P2RY8: variants seen among roughly 807,000 people sequenced by gnomAD.
The protein encoded by P2RY8 is S-geranylgeranyl-glutathione receptor P2RY8.
P2RY8 carries 6 observed loss-of-function variants against 10.0 expected under a neutral mutation model. The observed-to-expected ratio is 0.60, with a 90% CI of 0.33 to 1.19. The LOEUF is 1.19. P2RY8 is among the 50% of genes most tolerant of loss of function. The pLI is 0.04. For synonymous variants in P2RY8, 276 were observed against 252.5 expected (o/e 1.09, Z -0.88); for missense variants, 456 against 542.0 (o/e 0.84, Z 1.58).
chrX:1,521,029 C>CTTTTTTTTTTTTTTTTT lies in P2RY8; in HGVS notation c.-25+15891_-25+15892insAAAAAAAAAAAAAAAAA, dbSNP rs754661094. ...CTCCCCAATATCCTCTCTGATTTTTCTTTTCTTTTTTTTTTTTTTTTTTTG... is the reference window on the plus strand; with the variant it reads ...CTCCCCAATATCCTCTCTGATTTTTCTTTTTTTTTTTTTTTTTTTTTCTTTTTTTTTTTTTTTTTTTG... On this transcript the variant is annotated intron_variant, in intron 1 of 1. Coordinates refer to ENST00000381297, the MANE Select transcript of P2RY8 (RefSeq NM_178129.5). 2.4e-5 allele frequency among the ~76,000 whole-genome samples: 2 copies of CTTTTTTTTTTTTTTTTT among 83,870 alleles called. 1 individual carries two copies. 55.0% of individuals were successfully genotyped at this position (83,870 alleles called of 152,430 possible).
In P2RY8 at chrX:1,465,464, C is replaced by A; in HGVS notation, c.*15G>T. 1 of 1,584,146 alleles carries A rather than the reference C, an allele frequency of 6.3e-7. No individual in the cohort carries two copies. Among genetic ancestry groups the A allele is most frequent in the Non-Finnish European group, 8.6e-7 (1 of 1,166,422 alleles). Reference sequence around the variant, plus strand: ...CAAGCTGCGCCCCCGGCTCTCCAAGCTGCGCCCCCGGGACTCAGAACACAC... The same window carrying A: ...CAAGCTGCGCCCCCGGCTCTCCAAGATGCGCCCCCGGGACTCAGAACACAC... On this transcript the variant is annotated 3_prime_UTR_variant, in exon 2 of 2. Coordinates refer to ENST00000381297, the MANE Select transcript of P2RY8 (RefSeq NM_178129.5).
intron 1 of P2RY8, among the ~76,000 whole-genome samples, chrX:1,474,913 G>A (rs1160347106): frequency 2.8e-5 from 4 of 144,554 alleles, no homozygotes; most frequent in Non-Finnish European, 6.0e-5. Flanking sequence ...TGGATAAGTG[G>A]GTGGGTGGAT....
intron 1 of P2RY8, among the ~76,000 whole-genome samples, chrX:1,474,952 G>A (rs2091859357): frequency 1.3e-5 from 2 of 148,640 alleles, no homozygotes; most frequent in African/African-American, 5.0e-5. Context: ...GTGGTTGGAC[G>A]TGTGGGTGGA....
Position 1,465,466 on chromosome X carries a change from G to C in P2RY8, c.*13C>G. On this transcript the variant is annotated 3_prime_UTR_variant, in exon 2 of 2. Transcript: ENST00000381297. ...AGCTGCGCCCCCGGCTCTCCAAGCT[G>C]CGCCCCCGGGACTCAGAACACACTC... 1.3e-6 allele frequency: 2 copies of C among 1,585,368 alleles called. No homozygotes were observed. The highest frequency in any genetic ancestry group is 1.4e-5 in the African/African-American group (1 of 74,044).
At chrX:1,466,702 C>T in intron 1 of P2RY8, 120 bp from the exon 2 acceptor site, 1 of 914,212 alleles carries the variant, frequency 1.1e-6, no homozygotes, top group Non-Finnish European at 1.6e-6. Flanking sequence ...TTAGCAGGGC[C>T]TGCTGTCTCC....
intron 1 of P2RY8, among the ~76,000 whole-genome samples, chrX:1,483,949 TCAAAGCTGGGATCCCCTAAACC>T (rs2091962540): frequency 7.0e-6 from 1 of 142,346 alleles, no homozygotes; most frequent in African/African-American, 2.7e-5. Context: ...TCCCTAAAAC[TCAAAGCTGGGATCCCCTAAACC>T]CAAAGCTGGG....
intron 1 of P2RY8, among the ~76,000 whole-genome samples, chrX:1,528,295 A>T (rs1355373671): frequency 6.6e-6 from 1 of 152,204 alleles, no homozygotes. Context: ...TGTCTGCAAC[A>T]TGCCCATTTC....
At chrX:1,517,705 A>G (rs2092361086) in intron 1 of P2RY8, among the ~76,000 whole-genome samples, 1 of 152,148 alleles carries the variant, frequency 6.6e-6, no homozygotes, top group Admixed American at 6.5e-5. Context: ...GCTCAGACCC[A>G]AGCGAGGTCT....
At chrX:1,483,572 C>T (rs777725241) in intron 1 of P2RY8, among the ~76,000 whole-genome samples, 82 of 151,988 alleles carry the variant, frequency 5.4e-4, no homozygotes, top group African/African-American at 1.8e-3. Flanking sequence ...AGGCAGAGGT[C>T]GCGGTGAGCC....
chrX:1,482,523 T>C (rs188231914), intron 1 of P2RY8, among the ~76,000 whole-genome samples: 1 of 152,284 alleles, frequency 6.6e-6, no homozygotes, highest in East Asian at 1.9e-4. Context: ...TGTTTAAAGA[T>C]CGTTGCTCTA....
intron 1 of P2RY8, among the ~76,000 whole-genome samples, chrX:1,487,118 C>G (rs4313336): frequency 0.96 from 146,615 of 152,296 alleles, 70,820 homozygotes; most frequent in East Asian, 1. Context: ...TTGGCTGGGC[C>G]TGAGTGGAGG....
At chrX:1,485,854 G>T (rs1214091666) in intron 1 of P2RY8, among the ~76,000 whole-genome samples, 2 of 151,340 alleles carry the variant, frequency 1.3e-5, no homozygotes, top group Non-Finnish European at 2.9e-5. Context: ...CACCTTATGT[G>T]TATATATAAT....
chrX:1,493,105 G>C (rs2092069947), intron 1 of P2RY8, among the ~76,000 whole-genome samples: 1 of 150,976 alleles, frequency 6.6e-6, no homozygotes. Context: ...GGTCAACATA[G>C]TGAGACCCCA....
At chrX:1,471,901 C>T (rs2091791953) in intron 1 of P2RY8, among the ~76,000 whole-genome samples, 1 of 152,082 alleles carries the variant, frequency 6.6e-6, no homozygotes, top group South Asian at 2.1e-4. Flanking sequence ...GAGTGAGAGG[C>T]CCCAGCCCTA....
chrX:1,479,656 C>G (rs2091913415), intron 1 of P2RY8, among the ~76,000 whole-genome samples: 1 of 152,094 alleles, frequency 6.6e-6, no homozygotes, highest in African/African-American at 2.4e-5. Context: ...GGACAGAAAT[C>G]AGTGCAATTG....
chrX:1,469,398 C>T (rs1464455599), intron 1 of P2RY8, among the ~76,000 whole-genome samples: 3 of 151,738 alleles, frequency 2.0e-5, no homozygotes, highest in Non-Finnish European at 4.4e-5. Context: ...AATTCCTGAC[C>T]TCAGGTGAGC....
chrX:1,514,882 CT>C (rs1173288892), intron 1 of P2RY8, among the ~76,000 whole-genome samples: 1 of 31,846 alleles, frequency 3.1e-5, no homozygotes, highest in East Asian at 6.0e-4. Flanking sequence ...CCCTGTCTTC[CT>C]CTCCCCTCCC....
At chrX:1,470,550 C>A (rs1286507560) in intron 1 of P2RY8, among the ~76,000 whole-genome samples, 1 of 151,940 alleles carries the variant, frequency 6.6e-6, no homozygotes, top group African/African-American at 2.4e-5. Flanking sequence ...CAGAACCCCA[C>A]AACTGCTAAT....
intron 1 of P2RY8, among the ~76,000 whole-genome samples, chrX:1,521,905 G>A (rs1267223501): frequency 4.5e-5 from 6 of 134,162 alleles, no homozygotes; most frequent in African/African-American, 8.4e-5. Context: ...GTATTGCATG[G>A]TTATTTTTTC....
Sources: gnomAD v4.1 joint callset for allele counts (sites outside exome capture counted in the v4.1 genomes callset) on GRCh38, gnomAD v4.1.1 for gene constraint, MANE v1.5 for transcripts, NCBI Gene and HGNC (gene_info 2026-07-23, HGNC 2026-07-21) for gene names.